The following CIB1 variants were observed in gnomAD, a reference collection of about 807,000 sequenced individuals.
CIB1 encodes the protein calcium and integrin binding 1, also known as calcium and integrin-binding protein 1.
Under a neutral mutation model 25.0 loss-of-function variants are expected in CIB1, and 19 were observed. That is an observed-to-expected ratio of 0.76 (90% confidence interval 0.53 to 1.12). CIB1 has a LOEUF of 1.12. Among genes scored for constraint, CIB1 ranks in the 50% most tolerant of loss-of-function variants. The probability of loss-of-function intolerance (pLI) is 0.00; values close to 1 mark genes in which losing one functional copy is unlikely to be tolerated. For missense variants in CIB1, 236 were observed against 242.6 expected, an observed-to-expected ratio of 0.97 and a Z score of 0.18; for synonymous variants, 104 against 98.5, an observed-to-expected ratio of 1.06 and a Z score of -0.33.
At chr15:90,241,883 T>G in the CIB1 span, 9 of 1,614,084 alleles carry the variant, frequency 5.6e-6, no homozygotes, top group Middle Eastern at 4.9e-4. Context: ...TAAAGGACGG[T>G]GAAGCTTTCA....
Position 90,233,650 on chromosome 15 carries a change from G to T in CIB1, c.86+19C>A. The T allele has an allele frequency of 6.4e-7, 1 of 1,571,926 alleles. No individual in the cohort carries two copies. Among genetic ancestry groups the T allele is most frequent in the East Asian group, 2.3e-5 (1 of 42,650 alleles). ...TAGAGGATCCCGGGGTCGGAGGCAG[G>T]GTTCAAGGCAGCACTTACAGGAGGA... On this transcript the variant is annotated intron_variant, in intron 2 of 6. Coordinates refer to ENST00000328649, the MANE Select transcript of CIB1 (RefSeq NM_006384.4).
chr15:90,262,605 C>A, the CIB1 span: 6 of 1,533,576 alleles, frequency 3.9e-6, no homozygotes, highest in Non-Finnish European at 3.5e-6. Context: ...AAAAGCCGAC[C>A]CAGGGCAGGG....
chr15:90,254,491 T>C, the CIB1 span, among the ~76,000 whole-genome samples: 1 of 84,242 alleles, frequency 1.2e-5, no homozygotes, highest in Non-Finnish European at 2.3e-5. Context: ...AGACTCCATC[T>C]AAAAAAAAAA....
rs772878654 is a variant in CIB1 at position 90,233,666 on chromosome 15, T to C, written c.86+3A>G. Reference sequence around the variant, plus strand: ...CGGAGGCAGGGTTCAAGGCAGCACTTACAGGAGGATCTCCTGCTTCGTCAG... The same window carrying C: ...CGGAGGCAGGGTTCAAGGCAGCACTCACAGGAGGATCTCCTGCTTCGTCAG... On this transcript the variant is annotated splice_donor_region_variant and intron_variant, in intron 2 of 6. Coordinates refer to ENST00000328649, the MANE Select transcript of CIB1 (RefSeq NM_006384.4). 1 of 1,576,758 alleles carries C rather than the reference T, an allele frequency of 6.3e-7. No homozygotes were observed. Among genetic ancestry groups the C allele is most frequent in the African/African-American group, 1.3e-5 (1 of 74,112 alleles).
At chr15:90,263,475 A>T in the CIB1 span, 3 of 494,270 alleles carry the variant, frequency 6.1e-6, no homozygotes, top group East Asian at 6.5e-5. Context: ...TGGCTTCTGT[A>T]TAATTTTCTC....
chr15:90,241,763 T>C, the CIB1 span: 13 of 1,614,230 alleles, frequency 8.1e-6, no homozygotes, highest in Non-Finnish European at 1.1e-5. Context: ...ACCATGAGAT[T>C]GCTCATAACT....
Position 90,230,440 on chromosome 15 carries a change from A to G in CIB1, c.*44T>C, listed in dbSNP as rs1316805326. 1.3e-6 allele frequency: 2 copies of G among 1,550,160 alleles called. No individual in the cohort carries two copies. The highest frequency in any genetic ancestry group is 1.4e-5 in the African/African-American group (1 of 73,112). On this transcript the variant is annotated 3_prime_UTR_variant, in exon 7 of 7. Transcript: ENST00000328649. ...GACCTTGGCCACAGCTCAGCAGTAG[A>G]AAGGTTCTTGGACAGGGTGCCAGGA...
the CIB1 span, chr15:90,258,632 G>C: frequency 3.2e-6 from 3 of 937,262 alleles, no homozygotes; most frequent in Non-Finnish European, 5.0e-6. Context: ...CAGCCTCCCC[G>C]GCTGAGGCCA....
the CIB1 span, chr15:90,258,287 G>C: frequency 1.2e-6 from 2 of 1,613,066 alleles, no homozygotes; most frequent in Non-Finnish European, 1.7e-6. Context: ...TTATCTCCTA[G>C]GCTTTGCAAA....
chr15:90,253,706 T>C, the CIB1 span, among the ~76,000 whole-genome samples: 89 of 152,286 alleles, frequency 5.8e-4, 3 homozygotes, highest in African/African-American at 2.1e-3. Flanking sequence ...GCAGGGCCAG[T>C]TGAATGATCC....
At chr15:90,233,263 G>T (rs1037469574) in intron 2 of CIB1, among the ~76,000 whole-genome samples, 3 of 152,262 alleles carry the variant, frequency 2.0e-5, no homozygotes, top group Admixed American at 2.0e-4. Flanking sequence ...CCTGGCACAT[G>T]GTGAGTGCTC....
At chr15:90,237,686 T>C (rs1029381517), upstream of CIB1, among the ~76,000 whole-genome samples, 3 of 152,182 alleles carry the variant, frequency 2.0e-5, no homozygotes, top group Admixed American at 2.0e-4. Context: ...TTTGAAAAAA[T>C]GTCTAAGATT....
At chr15:90,233,607 C>G in intron 2 of CIB1, 62 bp downstream of exon 2, 1 of 1,540,490 alleles carries the variant, frequency 6.5e-7, no homozygotes, top group Non-Finnish European at 8.8e-7. Flanking sequence ...CTCGGGACAG[C>G]GCCCCCGAAG....
At chr15:90,235,719 C>T (rs899214217), upstream of CIB1, among the ~76,000 whole-genome samples, 1 of 152,038 alleles carries the variant, frequency 6.6e-6, no homozygotes. Context: ...AGGCACCCGC[C>T]ACCACACCCG....
At chr15:90,263,998 T>C in the CIB1 span, 1 of 1,536,070 alleles carries the variant, frequency 6.5e-7, no homozygotes, top group Non-Finnish European at 8.7e-7. Context: ...CTCCTGTTCA[T>C]TGTCAATGAA....
At chr15:90,256,049 G>T in the CIB1 span, 1 of 1,559,258 alleles carries the variant, frequency 6.4e-7, no homozygotes, top group South Asian at 1.2e-5. Context: ...GCTCCAGGAA[G>T]AGCATGGACT....
chr15:90,230,856 C>T (rs367739456), intron 6 of CIB1, 78 bp downstream of exon 6: 10 of 1,262,370 alleles, frequency 7.9e-6, no homozygotes, highest in Middle Eastern at 2.4e-4. Flanking sequence ...GCACCACCTC[C>T]TGTAGCCATG....
At chr15:90,248,037 G>A in the CIB1 span, among the ~76,000 whole-genome samples, 1,930 of 151,856 alleles carry the variant, frequency 0.013, 26 homozygotes, top group Non-Finnish European at 0.016. Context: ...CATCACACCC[G>A]GCCAGATATT....
chr15:90,231,206 A>T lies in CIB1; in HGVS notation c.354T>A (p.Asp118Glu). 1 of 1,574,418 alleles carries T rather than the reference A, an allele frequency of 6.4e-7. No homozygotes were observed. The highest frequency in any genetic ancestry group is 8.6e-7 in the Non-Finnish European group (1 of 1,164,114). ...SHYAFRIFDF[D>E]DDGTLNREDL... ...CTTCTCTGTTCAAGGTTCCGTCATCATCAAAGTCTAGAGAGCAGACACAGG... is the reference window on the plus strand; with the variant it reads ...CTTCTCTGTTCAAGGTTCCGTCATCTTCAAAGTCTAGAGAGCAGACACAGG... The change falls in exon 5 of 7, where the codon GAT becomes GAA. Residue 118 changes from aspartate to glutamate, a missense_variant. Coordinates refer to ENST00000328649, the MANE Select transcript of CIB1 (RefSeq NM_006384.4).
Sources: allele counts gnomAD v4.1 joint callset (sites outside exome capture counted in the v4.1 genomes callset), GRCh38; gene constraint gnomAD v4.1.1; transcripts MANE v1.5; gene names NCBI Gene and HGNC (gene_info 2026-07-23, HGNC 2026-07-21).